TNRC6B: variants seen among roughly 807,000 people sequenced by gnomAD.
TNRC6B encodes the protein trinucleotide repeat-containing gene 6B protein.
TNRC6B carries 52 observed loss-of-function variants against 203.6 expected under a neutral mutation model. That is an observed-to-expected ratio of 0.26 (90% CI 0.20 to 0.32). The LOEUF (loss-of-function observed/expected upper bound fraction) is 0.32. Ranked by LOEUF, TNRC6B falls within the 10% of genes least tolerant of loss-of-function variation. The pLI is 1.00. For synonymous variants in TNRC6B, 838 were observed against 845.7 expected, an observed-to-expected ratio of 0.99 and a Z score of 0.16; for missense variants, 1,923 against 2,286.2, an observed-to-expected ratio of 0.84 and a Z score of 3.24.
intron 1 of TNRC6B, among the ~76,000 whole-genome samples, chr22:40,227,358 CTTTTTTTT>C (rs71199278): frequency 2.8e-5 from 2 of 70,956 alleles, no homozygotes; most frequent in African/African-American, 5.0e-5. Flanking sequence ...CTGAAATTAC[CTTTTTTTT>C]TTTTTTTTTT....
intron 1 of TNRC6B, among the ~76,000 whole-genome samples, chr22:40,193,462 G>A (rs1438555501): frequency 2.0e-5 from 3 of 152,196 alleles, no homozygotes; most frequent in Admixed American, 1.3e-4. Context: ...CCCTGGTTGG[G>A]CTTCCCTTCT....
Position 40,323,025 on chromosome 22 carries a change from T to C in TNRC6B, c.5286T>C (p.Ala1762=), listed in dbSNP as rs767965028. The part of the protein sequence containing the change: ...GQNQSDPVGP[A]LNLFGGSTGL... ...ACCAGTCAGATCCCGTGGGACCTGC[T>C]CTGAATCTTTTTGGTGGGTCCACTG... Residue 1762 remains alanine (A), a synonymous_variant, in exon 23 of 23, where the codon GCT becomes GCC. Transcript: ENST00000454349. The C allele has an allele frequency of 4.4e-6, 7 of 1,603,640 alleles. No individual in the cohort carries two copies. Among genetic ancestry groups the C allele is most frequent in the Non-Finnish European group, 6.0e-6 (7 of 1,174,786 alleles).
At chr22:40,193,804 G>A (rs116183851) in intron 1 of TNRC6B, among the ~76,000 whole-genome samples, 1 of 152,144 alleles carries the variant, frequency 6.6e-6, no homozygotes, top group African/African-American at 2.4e-5. Flanking sequence ...AAGTCTGAGT[G>A]GGAAAAAGAA....
intron 3 of TNRC6B, among the ~76,000 whole-genome samples, chr22:40,146,981 A>C (rs2068700655): frequency 1.3e-5 from 2 of 152,238 alleles, no homozygotes; most frequent in Admixed American, 1.3e-4. Flanking sequence ...AAAAGGGTGG[A>C]CATGGCTACT....
intron 1 of TNRC6B, among the ~76,000 whole-genome samples, chr22:40,182,143 G>T (rs2069140175): frequency 6.6e-6 from 1 of 152,030 alleles, no homozygotes. Flanking sequence ...TACTCGGGAG[G>T]CTGAGGCAGG....
chr22:40,234,413 TGAAAA>T (rs145072509), intron 1 of TNRC6B, among the ~76,000 whole-genome samples: 339 of 152,334 alleles, frequency 2.2e-3, no homozygotes, highest in Non-Finnish European at 4.3e-3. Flanking sequence ...TATATTTTCT[TGAAAA>T]GAAACAACCA....
chr22:40,223,441 T>C (rs1898255933), intron 1 of TNRC6B, among the ~76,000 whole-genome samples: 1 of 132,156 alleles, frequency 7.6e-6, no homozygotes, highest in African/African-American at 2.4e-5. Flanking sequence ...GCCCGGCCAG[T>C]TTTTTGTTTT....
chr22:40,157,936 AC>A (rs2068832427), intron 4 of TNRC6B, among the ~76,000 whole-genome samples: 1 of 152,128 alleles, frequency 6.6e-6, no homozygotes, highest in Non-Finnish European at 1.5e-5. Flanking sequence ...TTAGATTTGA[AC>A]CCAGATCTTA....
At chr22:40,113,324 A>C (rs112744694) in intron 1 of TNRC6B, among the ~76,000 whole-genome samples, 1 of 152,242 alleles carries the variant, frequency 6.6e-6, no homozygotes, top group African/African-American at 2.4e-5. Context: ...ATGGGGACTA[A>C]ATAAAACCAT....
chr22:40,146,561 A>ATT lies in TNRC6B; in HGVS notation c.46-9532_46-9531dup, dbSNP rs59901929. Among the ~76,000 whole-genome samples, 477 of 109,130 alleles carry ATT rather than the reference A, an allele frequency of 4.4e-3. 7 individuals carry two copies. Among genetic ancestry groups the ATT allele is most frequent in the South Asian group, 0.01 (33 of 3,190 alleles). The allele number at this position is 109,130 out of a possible 152,430, so 71.6% of individuals were successfully genotyped here. The stretch of plus-strand genomic sequence containing the variant: ...AGGCATGTGCCACCACGCCCGGCTA[A>ATT]TTTTTTTTTTTTTTTTTTTTTTTGA... On this transcript the variant is annotated intron_variant, in intron 3 of 23. Coordinates refer to the TNRC6B transcript ENST00000301923.
chr22:40,239,343 G>A (rs745804209), intron 1 of TNRC6B, among the ~76,000 whole-genome samples: 2 of 152,214 alleles, frequency 1.3e-5, no homozygotes, highest in African/African-American at 2.4e-5. Context: ...CCTGGTAAAA[G>A]CAGCCATGCC....
intron 1 of TNRC6B, among the ~76,000 whole-genome samples, chr22:40,222,216 GC>G (rs2069719946): frequency 6.6e-6 from 1 of 152,142 alleles, no homozygotes; most frequent in South Asian, 2.1e-4. Context: ...TTAATTGATG[GC>G]CACTCTAGGC....
intron 1 of TNRC6B, among the ~76,000 whole-genome samples, chr22:40,201,622 A>G (rs920991639): frequency 9.2e-5 from 14 of 151,720 alleles, no homozygotes; most frequent in African/African-American, 2.7e-4. Flanking sequence ...TTTTGAAGAG[A>G]CAGGGTCTCG....
chr22:40,061,633 C>G (rs1218688125), intron 1 of TNRC6B, among the ~76,000 whole-genome samples: 1 of 150,728 alleles, frequency 6.6e-6, no homozygotes, highest in Admixed American at 6.6e-5. Flanking sequence ...TTCTGCCTTC[C>G]TTTTCCCTAT....
At chr22:40,088,584 T>TGTGTG (rs2068120522) in intron 1 of TNRC6B, among the ~76,000 whole-genome samples, 16 of 125,136 alleles carry the variant, frequency 1.3e-4, no homozygotes, top group South Asian at 5.8e-4. Context: ...GCGGCTACTT[T>TGTGTG]TGTGTGTGTG....
intron 7 of TNRC6B, among the ~76,000 whole-genome samples, chr22:40,275,541 C>G (rs1439178417): frequency 6.6e-6 from 1 of 152,200 alleles, no homozygotes; most frequent in East Asian, 1.9e-4. Context: ...TATTCACATA[C>G]TTATGTTGCC....
upstream of TNRC6B, among the ~76,000 whole-genome samples, chr22:40,177,317 C>G (rs2069072700): frequency 6.6e-6 from 1 of 152,176 alleles, no homozygotes; most frequent in African/African-American, 2.4e-5. Flanking sequence ...AACACACATA[C>G]AGGCAAAACA....
At chr22:40,090,401 GTT>G (rs60280693) in intron 1 of TNRC6B, among the ~76,000 whole-genome samples, 34,623 of 136,666 alleles carry the variant, frequency 0.25, 4,364 homozygotes, top group African/African-American at 0.41. Context: ...GCATCTCATT[GTT>G]TTTTTTTTTT....
chr22:40,277,900 G>A, intron 8 of TNRC6B, 99 bp from the exon 9 acceptor site: 2 of 839,056 alleles, frequency 2.4e-6, no homozygotes, highest in Admixed American at 2.0e-5. Flanking sequence ...ACCTTCTATG[G>A]TGCCAGTAGT....
Sources: gnomAD v4.1 joint callset for allele counts (sites outside exome capture counted in the v4.1 genomes callset) on GRCh38, gnomAD v4.1.1 for gene constraint, MANE v1.5 for transcripts, NCBI Gene and HGNC (gene_info 2026-07-23, HGNC 2026-07-21) for gene names.